POMGNT1: variants seen among roughly 807,000 people sequenced by gnomAD.
The protein encoded by POMGNT1 is protein O-linked-mannose beta-1,2-N-acetylglucosaminyltransferase 1.
Under a neutral mutation model 95.6 loss-of-function variants are expected in POMGNT1, and 67 were observed. The ratio of observed to expected loss-of-function variants is 0.70; its 90% confidence interval spans 0.58 to 0.86. The LOEUF (loss-of-function observed/expected upper bound fraction) is 0.86. POMGNT1 is among the 40% of genes least tolerant of loss of function. The pLI, the probability that POMGNT1 is intolerant of heterozygous loss-of-function variation, is 0.00. For synonymous variants in POMGNT1, 298 were observed against 317.9 expected (o/e 0.94, Z 0.66); for missense variants, 719 against 855.2 (o/e 0.84, Z 1.99).
chr1:46,196,870 T>C lies in POMGNT1; in HGVS notation c.236-21A>G. ...CTCATCTGTGGGGTACAACAGGTCA[T>C]GGAGATAGTCTCCTCAGCAGAGTCT... is the stretch of plus-strand genomic sequence containing the variant. On this transcript the variant is annotated intron_variant, in intron 3 of 21. Coordinates refer to ENST00000371984, the MANE Select transcript of POMGNT1 (RefSeq NM_017739.4). This position sits in a 1 kb window ranked among gnomAD's most constrained non-coding sequence, Gnocchi z 4.4. The C allele has an allele frequency of 2.5e-6, 4 of 1,614,178 alleles. No homozygotes were observed. Among genetic ancestry groups the C allele is most frequent in the Non-Finnish European group, 3.4e-6 (4 of 1,180,032 alleles).
intron 1 of POMGNT1, among the ~76,000 whole-genome samples, chr1:46,205,177 G>C (rs1658672086): frequency 6.6e-6 from 1 of 152,164 alleles, no homozygotes; most frequent in Admixed American, 6.5e-5. Context: ...AGGATCACTT[G>C]AGCCCAGGAA....
intron 1 of POMGNT1, 132 bp from the exon 2 acceptor site, chr1:46,198,003 C>T (rs1228953306): frequency 3.5e-6 from 3 of 848,952 alleles, no homozygotes; most frequent in African/African-American, 1.7e-5. Flanking sequence ...GGGAAAGTGG[C>T]TCAACTTCTC....
intron 14 of POMGNT1, 104 bp from the exon 15 acceptor site, chr1:46,192,694 TGGAGTACCTCCTTCCC>T: frequency 6.2e-7 from 1 of 1,600,338 alleles, no homozygotes; most frequent in Non-Finnish European, 8.5e-7. Context: ...ACCTCCTTCC[TGGAGTACCTCCTTCCC>T]CCAAATCCCC....
chr1:46,197,105 G>A, intron 2 of POMGNT1, 21 bp from the exon 3 acceptor site: 1 of 1,614,044 alleles, frequency 6.2e-7, no homozygotes, highest in Non-Finnish European at 8.5e-7. Context: ...GGGTAGGGAT[G>A]ATTAAGAGGA....
At position 46,193,371 on chromosome 1, in the gene POMGNT1, C is replaced by A. The variant is rs766646555; in HGVS notation, c.1044G>T (p.Val348=). The A allele has an allele frequency of 8.7e-6, 14 of 1,612,974 alleles. No homozygotes were observed. The South Asian group carries it at 1.5e-4, about 18-fold the overall frequency. ...DGYYEEPMDV[V]ALFGLRGIQH... ...GGATGCCCCTCAGACCAAACAGTGCCACCACATCCATGGGTTCCTGGGGGA... is the reference window on the plus strand; with the variant it reads ...GGATGCCCCTCAGACCAAACAGTGCAACCACATCCATGGGTTCCTGGGGGA... Residue 348 remains valine, a synonymous_variant, in exon 12 of 22, where the codon GTG becomes GTT. Transcript: ENST00000371984.
Position 46,194,841 on chromosome 1 carries a change from C to T in POMGNT1, c.652+3G>A, listed in dbSNP as rs772758795. 38 of 1,614,022 alleles carry T rather than the reference C, an allele frequency of 2.4e-5. No individual in the cohort carries two copies. The highest frequency in any genetic ancestry group is 3.1e-5 in the Non-Finnish European group (37 of 1,180,026). On this transcript the variant is annotated splice_donor_region_variant and intron_variant, in intron 7 of 21. Coordinates refer to ENST00000371984, the MANE Select transcript of POMGNT1 (RefSeq NM_017739.4). ...CAGAGTGGATGGCCTCTGATGCCGGCACCTCCTTTTCGTCCCACGAAGGCC... is the reference window on the plus strand; with the variant it reads ...CAGAGTGGATGGCCTCTGATGCCGGTACCTCCTTTTCGTCCCACGAAGGCC...
intron 13 of POMGNT1, 34 bp downstream of exon 13, chr1:46,193,139 CT>C (rs1557672989): frequency 6.2e-7 from 1 of 1,613,870 alleles, no homozygotes; most frequent in Non-Finnish European, 8.5e-7. Context: ...TGTTTCCCCC[CT>C]CCCAGGCCCA....
intron 1 of POMGNT1, among the ~76,000 whole-genome samples, chr1:46,217,559 T>A (rs1348886337): frequency 6.6e-6 from 1 of 151,712 alleles, no homozygotes; most frequent in African/African-American, 2.4e-5. Flanking sequence ...GGGAGTGGGA[T>A]GAAAGTTAAA....
chr1:46,216,430 C>T (rs1054013783), intron 1 of POMGNT1, among the ~76,000 whole-genome samples: 2 of 152,058 alleles, frequency 1.3e-5, no homozygotes, highest in African/African-American at 4.8e-5. Context: ...CAGCCTTGAC[C>T]CCCCAGGCTC....
At chr1:46,211,087 C>G (rs963615693) in intron 1 of POMGNT1, among the ~76,000 whole-genome samples, 1 of 151,954 alleles carries the variant, frequency 6.6e-6, no homozygotes, top group African/African-American at 2.4e-5. Context: ...GTCCTTTGGG[C>G]CTTTTAAAGA....
At chr1:46,191,844 C>A in intron 17 of POMGNT1, 1 of 429,892 alleles carries the variant, frequency 2.3e-6, no homozygotes, top group Non-Finnish European at 4.3e-6. Flanking sequence ...CCATGTTAGC[C>A]AGGATGGTCT....
In POMGNT1 at chr1:46,217,127, C is replaced by G. The variant is rs376154363; in HGVS notation, c.-51+2578G>C. Among the ~76,000 whole-genome samples, 78 of 152,148 alleles carry G rather than the reference C, an allele frequency of 5.1e-4. 1 individual carries two copies. The South Asian group carries it at 0.015, about 29-fold the overall frequency. ...AAAAGAAGATATGGAATCTAAGAAA[C>G]GAGGGATCCAGCTAAGGAAAGAGGC... is the stretch of plus-strand genomic sequence containing the variant. On this transcript the variant is annotated intron_variant, in intron 1 of 22. Transcript: ENST00000371992.
chr1:46,208,747 A>T (rs1463792660), intron 1 of POMGNT1, among the ~76,000 whole-genome samples: 1 of 152,144 alleles, frequency 6.6e-6, no homozygotes, highest in Non-Finnish European at 1.5e-5. Context: ...AAGCTGAGGC[A>T]GGAAAATCGC....
rs1417790535 is a variant in POMGNT1, at chr1:46,192,207, A to G, written c.1430T>C (p.Met477Thr). 1 of 1,614,076 alleles carries G rather than the reference A, an allele frequency of 6.2e-7. No individual in the cohort carries two copies. The highest frequency in any genetic ancestry group is 1.3e-5 in the African/African-American group (1 of 74,922). The change falls in exon 17 of 22, where the codon ATG (methionine) becomes ACG (threonine). Residue 477 changes from methionine (M) to threonine (T), a missense_variant. Coordinates refer to ENST00000371984, the MANE Select transcript of POMGNT1 (RefSeq NM_017739.4). ...GCGTTGTTCAGGCATCCGCATCCACATGTCCCAATCCCAGAGCTGGCAGAC... is the reference window on the plus strand; with the variant it reads ...GCGTTGTTCAGGCATCCGCATCCACGTGTCCCAATCCCAGAGCTGGCAGAC... Reference protein sequence around the residue: ...PTPEKLWDWDMWMRMPEQRRG... With the variant: ...PTPEKLWDWDTWMRMPEQRRG...
exon 1 of POMGNT1, chr1:46,219,918 G>T: frequency 1.2e-6 from 2 of 1,614,208 alleles, no homozygotes; most frequent in Non-Finnish European, 1.7e-6. Context: ...CGACCGGCTG[G>T]ACAGTGTCTC....
At chr1:46,194,791 T>C (rs1025035840) in intron 7 of POMGNT1, 53 bp downstream of exon 7, 16 of 1,613,304 alleles carry the variant, frequency 9.9e-6, no homozygotes, top group Non-Finnish European at 1.4e-5. Flanking sequence ...CCTAGGGTTC[T>C]GCTCCTCCCA....
rs1009247637 is a variant in POMGNT1 at position 46,196,494 on chromosome 1, T to C, written c.354+237A>G. ...AATCAATGAATTGACTGCCTACTATTATGAATGATTACTTTTGAGATCCCA... is the reference window on the plus strand; with the variant it reads ...AATCAATGAATTGACTGCCTACTATCATGAATGATTACTTTTGAGATCCCA... On this transcript the variant is annotated intron_variant, in intron 4 of 21. Coordinates refer to ENST00000371984, the MANE Select transcript of POMGNT1 (RefSeq NM_017739.4). This position sits in a 1 kb window ranked among gnomAD's most constrained non-coding sequence, Gnocchi z 4.4. 6.6e-6 allele frequency among the ~76,000 whole-genome samples: 1 copy of C among 152,252 alleles called. No individual in the cohort carries two copies. Among genetic ancestry groups the C allele is most frequent in the Non-Finnish European group, 1.5e-5 (1 of 68,048 alleles).
At chr1:46,200,926 G>A (rs780757091), upstream of POMGNT1, among the ~76,000 whole-genome samples, 16 of 151,236 alleles carry the variant, frequency 1.1e-4, no homozygotes, top group Admixed American at 2.6e-4. Flanking sequence ...CACCTGAGGC[G>A]GATGGATCCG....
At chr1:46,213,957 G>C (rs1485675240) in intron 1 of POMGNT1, among the ~76,000 whole-genome samples, 1 of 152,012 alleles carries the variant, frequency 6.6e-6, no homozygotes, top group Non-Finnish European at 1.5e-5. Flanking sequence ...ATACATACAC[G>C]GTTTCTAGTC....
Sources: allele counts gnomAD v4.1 joint callset (sites outside exome capture counted in the v4.1 genomes callset), GRCh38; gene constraint gnomAD v4.1.1; non-coding constraint Gnocchi (gnomAD v3.1); transcripts MANE v1.5; gene names NCBI Gene and HGNC (gene_info 2026-07-23, HGNC 2026-07-21).